L3MBTL4: variants seen among roughly 807,000 people sequenced by gnomAD.
L3MBTL4 encodes the protein L3MBTL histone methyl-lysine binding protein 4, also known as lethal(3)malignant brain tumor-like protein 4.
In L3MBTL4, 70 loss-of-function variants were observed where a neutral mutation model predicts 84.5. The observed-to-expected ratio is 0.83, with a 90% CI of 0.68 to 1.01. The LOEUF is 1.01. Among genes scored for constraint, L3MBTL4 ranks in the 50% least tolerant of loss-of-function variants. The pLI is 0.00. For missense variants in L3MBTL4, 715 were observed against 754.8 expected (o/e 0.95, Z 0.62); for synonymous variants, 274 against 259.8 (o/e 1.05, Z -0.52).
At chr18:6,196,446 C>T (rs1410513163) in intron 12 of L3MBTL4, among the ~76,000 whole-genome samples, 5 of 152,096 alleles carry the variant, frequency 3.3e-5, no homozygotes, top group East Asian at 1.9e-4. Context: ...CATGAGCCAC[C>T]GTGCCCGGCC....
rs189963826 is a variant in L3MBTL4 at position 6,370,847 on chromosome 18, G to A, written c.-91+43954C>T. On this transcript the variant is annotated intron_variant, in intron 1 of 18. Transcript: ENST00000317931. Reference sequence around the variant, plus strand: ...AAATTAAAAATTTGTAAGAAAAGACGTTTGGGTTTCCATGACTGGAGGCCA... The same window carrying A: ...AAATTAAAAATTTGTAAGAAAAGACATTTGGGTTTCCATGACTGGAGGCCA... Among the ~76,000 whole-genome samples the A allele has an allele frequency of 6.6e-5, 10 of 152,302 alleles. No individual in the cohort carries two copies. The East Asian group carries it at 1.3e-3, about 21-fold the overall frequency.
At chr18:6,401,861 T>C (rs2055525577) in intron 1 of L3MBTL4, among the ~76,000 whole-genome samples, 1 of 152,174 alleles carries the variant, frequency 6.6e-6, no homozygotes, top group Non-Finnish European at 1.5e-5. Flanking sequence ...GGCAAGGGTG[T>C]AGAAGAGCTC....
At chr18:5,970,354 C>T (rs184492625) in intron 16 of L3MBTL4, among the ~76,000 whole-genome samples, 28 of 152,342 alleles carry the variant, frequency 1.8e-4, no homozygotes, top group African/African-American at 6.0e-4. Flanking sequence ...GAGACTTCAA[C>T]GGGATCTCCA....
intron 15 of L3MBTL4, among the ~76,000 whole-genome samples, chr18:6,082,039 G>A (rs1940955): frequency 0.074 from 11,258 of 152,114 alleles, 495 homozygotes; most frequent in African/African-American, 0.13. Context: ...TTCAGTGTGC[G>A]AAAACTTGAG....
intron 1 of L3MBTL4, chr18:6,356,611 A>T (rs1351694391): frequency 6.6e-6 from 1 of 152,230 alleles, no homozygotes; most frequent in Non-Finnish European, 1.5e-5. Flanking sequence ...ATGCAATGGT[A>T]AGTATTTCTC....
At chr18:6,111,115 G>C (rs757577204) in intron 14 of L3MBTL4, among the ~76,000 whole-genome samples, 6 of 152,130 alleles carry the variant, frequency 3.9e-5, no homozygotes, top group Non-Finnish European at 7.4e-5. Context: ...GGAAGAGAAG[G>C]ATCAGAAAAA....
intron 1 of L3MBTL4, among the ~76,000 whole-genome samples, chr18:6,363,515 C>A (rs901556433): frequency 9.8e-5 from 15 of 152,288 alleles, no homozygotes; most frequent in Admixed American, 6.5e-4. Flanking sequence ...TTACTACCTA[C>A]CATACCCATT....
In L3MBTL4 at chr18:6,002,504, C is replaced by T. The variant is rs75762113; in HGVS notation, c.1445-32942G>A. Among the ~76,000 whole-genome samples, 752 of 151,956 alleles carry T rather than the reference C, an allele frequency of 4.9e-3. 5 individuals are homozygous for T. Among genetic ancestry groups the T allele is most frequent in the African/African-American group, 0.018 (731 of 41,452 alleles). ...AATTATTAGCCTATGTTTTTGGACA[C>T]GTAAAACATAAAGATGTAATTTGTG... On this transcript the variant is annotated intron_variant, in intron 16 of 18. Transcript: ENST00000317931.
At chr18:6,287,867 A>G (rs1302298868) in intron 4 of L3MBTL4, among the ~76,000 whole-genome samples, 1 of 152,178 alleles carries the variant, frequency 6.6e-6, no homozygotes, top group Non-Finnish European at 1.5e-5. Flanking sequence ...ACATAATGAG[A>G]CCCTGTCTCT....
chr18:5,990,727 A>C (rs1196537302), intron 16 of L3MBTL4, among the ~76,000 whole-genome samples: 3 of 152,000 alleles, frequency 2.0e-5, no homozygotes, highest in Admixed American at 6.5e-5. Flanking sequence ...ACAAAGTCTA[A>C]GCCCTGAAGG....
chr18:6,108,320 A>G (rs1163297229), intron 14 of L3MBTL4, among the ~76,000 whole-genome samples: 1 of 152,146 alleles, frequency 6.6e-6, no homozygotes, highest in Non-Finnish European at 1.5e-5. Flanking sequence ...AATATTCAAA[A>G]CAGCAGAAAA....
intron 4 of L3MBTL4, 38 bp downstream of exon 4, chr18:6,301,864 TC>T: frequency 6.8e-7 from 1 of 1,476,008 alleles, no homozygotes; most frequent in Non-Finnish European, 9.5e-7. Context: ...TAAAATTTGT[TC>T]ACTGTGAACT....
At chr18:6,089,940 G>A (rs1024583214) in intron 15 of L3MBTL4, among the ~76,000 whole-genome samples, 4 of 152,158 alleles carry the variant, frequency 2.6e-5, no homozygotes, top group Non-Finnish European at 5.9e-5. Context: ...ATATTATGAT[G>A]AGAATAATGT....
intron 1 of L3MBTL4, among the ~76,000 whole-genome samples, chr18:6,365,966 A>G (rs746887379): frequency 6.6e-6 from 1 of 152,162 alleles, no homozygotes; most frequent in Non-Finnish European, 1.5e-5. Context: ...AGCCAAATGC[A>G]CCTCACAAGG....
intron 1 of L3MBTL4, chr18:6,399,861 CA>C (rs2055439361): frequency 6.6e-6 from 1 of 152,116 alleles, no homozygotes; most frequent in African/African-American, 2.4e-5. Context: ...CTGAAAAACA[CA>C]ATGGTTTTAG....
At chr18:6,263,197 A>T (rs904573358) in intron 5 of L3MBTL4, among the ~76,000 whole-genome samples, 1 of 149,470 alleles carries the variant, frequency 6.7e-6, no homozygotes, top group African/African-American at 2.5e-5. Context: ...TGAACCAGGG[A>T]GTTGGAGGTT....
intron 1 of L3MBTL4, among the ~76,000 whole-genome samples, chr18:6,371,640 T>C (rs2054165432): frequency 6.6e-6 from 1 of 152,204 alleles, no homozygotes; most frequent in Non-Finnish European, 1.5e-5. Context: ...ACTGAATTGT[T>C]AAGGCAGGGC....
intron 14 of L3MBTL4, among the ~76,000 whole-genome samples, chr18:6,097,270 G>C (rs1324843956): frequency 1.3e-5 from 2 of 152,150 alleles, no homozygotes; most frequent in African/African-American, 4.8e-5. Context: ...GATACAAGTA[G>C]TCCTCTTTCT....
At chr18:6,262,800 C>T (rs2048463110) in intron 5 of L3MBTL4, among the ~76,000 whole-genome samples, 1 of 152,138 alleles carries the variant, frequency 6.6e-6, no homozygotes. Context: ...ATTTCTTGAA[C>T]ACGAGGGGTC....
Sources: allele counts gnomAD v4.1 joint callset (sites outside exome capture counted in the v4.1 genomes callset), GRCh38; gene constraint gnomAD v4.1.1; transcripts MANE v1.5; gene names NCBI Gene and HGNC (gene_info 2026-07-23, HGNC 2026-07-21).